Variants in RBM33 observed in about 807,000 individuals in gnomAD.
RBM33 encodes RNA binding motif protein 33, also known as RNA-binding protein 33.
In RBM33, 28 loss-of-function variants were observed where a neutral mutation model predicts 132.6. The ratio of observed to expected loss-of-function variants is 0.21; its 90% confidence interval spans 0.16 to 0.29. RBM33 has a LOEUF of 0.29. Ranked by LOEUF, RBM33 falls within the 10% of genes least tolerant of loss-of-function variation. The pLI, the probability that RBM33 is intolerant of heterozygous loss-of-function variation, is 1.00. For missense variants in RBM33, 1,291 were observed against 1,518.5 expected (o/e 0.85, Z 2.49); for synonymous variants, 634 against 593.0 (o/e 1.07, Z -1.01).
At chr7:155,717,885 T>C (rs1800512227) in intron 8 of RBM33, among the ~76,000 whole-genome samples, 1 of 152,232 alleles carries the variant, frequency 6.6e-6, no homozygotes, top group Admixed American at 6.5e-5. Flanking sequence ...GGAAAATTTT[T>C]AACAGTTTGT....
Position 155,673,766 on chromosome 7 carries a change from G to GCACA in RBM33, c.171+852_171+853insACAC, listed in dbSNP as rs776340484. Among the ~76,000 whole-genome samples, 274 of 120,286 alleles carry GCACA rather than the reference G, an allele frequency of 2.3e-3. 10 individuals carry two copies. Among genetic ancestry groups the GCACA allele is most frequent in the African/African-American group, 7.4e-3 (192 of 25,772 alleles). 78.9% of individuals were successfully genotyped at this position (120,286 alleles called of 152,430 possible). ...CACACGTGTATATACGCGCGCATGC[G>GCACA]CGCACACACACACACACACACACAC... On this transcript the variant is annotated intron_variant, in intron 3 of 17. Coordinates refer to ENST00000401878, the MANE Select transcript of RBM33 (RefSeq NM_053043.3).
rs760194996 is a variant in RBM33, at chr7:155,745,381, C to T, written c.2758C>T (p.Pro920Ser). ...LKHLRQTRTV[P>S]QSQTQPLHKV... ...ACATTTGAGACAGACCAGAACAGTT[C>T]CTCAAAGTCAGACTCAGCCGCTGCA... is the stretch of plus-strand genomic sequence containing the variant. The change falls in exon 14 of 18, where the codon CCT (proline) becomes TCT (serine). Residue 920 changes from proline to serine, a missense_variant. By Grantham distance (74) the Pro-to-Ser change is moderately conservative. This residue lies in a region of RBM33 where 841 missense variants were observed against 912.0 expected (regional missense o/e 0.92). Transcript: ENST00000401878. This position sits in a 1 kb window ranked among gnomAD's most constrained non-coding sequence, Gnocchi z 4.1. 31 of 1,613,238 alleles carry T rather than the reference C, an allele frequency of 1.9e-5. No individual in the cohort carries two copies. Among genetic ancestry groups the T allele is most frequent in the Admixed American group, 6.7e-5 (4 of 59,932 alleles).
In RBM33 at chr7:155,680,439, G is replaced by C. The variant is rs1799306367; in HGVS notation, c.249-151G>C. ...GCACTGGCTCTGTATAGCATTTTGAGTACTGTTGGAGTTAATGTGCATTTG... is the reference window on the plus strand; with the variant it reads ...GCACTGGCTCTGTATAGCATTTTGACTACTGTTGGAGTTAATGTGCATTTG... On this transcript the variant is annotated intron_variant, in intron 4 of 17. Coordinates refer to ENST00000401878, the MANE Select transcript of RBM33 (RefSeq NM_053043.3). The C allele has an allele frequency of 6.2e-6, 4 of 640,166 alleles. No individual in the cohort carries two copies. The Admixed American group carries it at 1.2e-4, about 19-fold the overall frequency. 39.7% of individuals were successfully genotyped at this position (640,166 alleles called of 1,614,324 possible). A position where few individuals can be genotyped will look rare whatever the true frequency, so the allele number is the denominator to read the frequency against.
Position 155,774,940 on chromosome 7 carries a change from G to A in RBM33, c.3465-53G>A, listed in dbSNP as rs2117089188. 6.4e-7 allele frequency: 1 copy of A among 1,561,450 alleles called. No homozygotes were observed. ...TTTTAGTTTCCTCCCACCTTGGTAG[G>A]TTGATTGCCGATGTGCAGGGTTAGT... On this transcript the variant is annotated intron_variant, in intron 17 of 17. Coordinates refer to ENST00000401878, the MANE Select transcript of RBM33 (RefSeq NM_053043.3). The surrounding 1 kb of genome is among the most constrained non-coding windows in gnomAD (Gnocchi z 4.2).
chr7:155,736,979 T>C (rs1258131889), intron 9 of RBM33, among the ~76,000 whole-genome samples: 2 of 152,232 alleles, frequency 1.3e-5, no homozygotes, highest in Non-Finnish European at 2.9e-5. Context: ...AGTTTTTATG[T>C]TAATATGTGT....
chr7:155,722,323 A>G (rs1456871316), intron 9 of RBM33, among the ~76,000 whole-genome samples: 1 of 152,220 alleles, frequency 6.6e-6, no homozygotes, highest in Non-Finnish European at 1.5e-5. Flanking sequence ...TAATGAACAC[A>G]TTTTTGTTCA....
In RBM33 at chr7:155,742,075, A is replaced by C; in HGVS notation, c.2306A>C (p.Gln769Pro). 1 of 1,613,718 alleles carries C rather than the reference A, an allele frequency of 6.2e-7. No homozygotes were observed. Among genetic ancestry groups the C allele is most frequent in the Non-Finnish European group, 8.5e-7 (1 of 1,179,678 alleles). Residue 769 changes from glutamine (Q) to proline (P), a missense_variant, in exon 13 of 18, where the codon CAA becomes CCA. By Grantham distance (76) the Gln-to-Pro change is moderately conservative. Around this residue, in one of 7 missense-constraint regions of RBM33, gnomAD observed 841 missense variants for 912.0 expected, o/e 0.92. Coordinates refer to ENST00000401878, the MANE Select transcript of RBM33 (RefSeq NM_053043.3). ...GTCAAGCCAGCTAGCCCTGTGGCTC[A>C]ACCTAAAGAAGAGGCAAAAACAGAA... ...VKVKPASPVAQPKEEAKTETE... is the reference protein window; with the variant it reads ...VKVKPASPVAPPKEEAKTETE...
chr7:155,656,081 A>C (rs1173373757), intron 1 of RBM33, among the ~76,000 whole-genome samples: 1 of 152,236 alleles, frequency 6.6e-6, no homozygotes, highest in African/African-American at 2.4e-5. Context: ...AACAGTGGAC[A>C]TTATTTGTTG....
At chr7:155,773,017 C>A (rs1246023945) in intron 16 of RBM33, among the ~76,000 whole-genome samples, 1 of 152,216 alleles carries the variant, frequency 6.6e-6, no homozygotes, top group Non-Finnish European at 1.5e-5. Context: ...TTCCAAGTCA[C>A]TGATGTTTTT....
chr7:155,672,985 A>C, intron 3 of RBM33, 70 bp downstream of exon 3: 1 of 1,037,706 alleles, frequency 9.6e-7, no homozygotes. Flanking sequence ...AGCAGTAATC[A>C]CTTATACATG....
At chr7:155,684,215 T>C (rs903790076) in intron 5 of RBM33, among the ~76,000 whole-genome samples, 1 of 152,212 alleles carries the variant, frequency 6.6e-6, no homozygotes, top group African/African-American at 2.4e-5. Context: ...TCTTTGAGGT[T>C]GTCTGCTTTG....
chr7:155,660,076 T>C (rs567552039), intron 1 of RBM33, among the ~76,000 whole-genome samples: 1 of 152,312 alleles, frequency 6.6e-6, no homozygotes, highest in Admixed American at 6.5e-5. Flanking sequence ...GTAAATAGCT[T>C]TTTCAGTTTT....
intron 1 of RBM33, among the ~76,000 whole-genome samples, chr7:155,659,829 C>T (rs1456670991): frequency 6.6e-6 from 1 of 152,182 alleles, no homozygotes; most frequent in East Asian, 1.9e-4. Context: ...CCAGCAGGGC[C>T]ACACTCCCTG....
intron 2 of RBM33, among the ~76,000 whole-genome samples, chr7:155,666,704 CTG>C (rs1454351609): frequency 2.6e-5 from 4 of 152,064 alleles, no homozygotes; most frequent in Non-Finnish European, 5.9e-5. Flanking sequence ...CTGTTCATAT[CTG>C]TTTTTTCTTT....
At chr7:155,731,331 C>A (rs920748229) in intron 9 of RBM33, among the ~76,000 whole-genome samples, 2 of 152,132 alleles carry the variant, frequency 1.3e-5, no homozygotes, top group African/African-American at 4.8e-5. Context: ...CCAGTAGAGA[C>A]CATGGTTTTT....
At chr7:155,717,334 C>T (rs955171545) in intron 8 of RBM33, among the ~76,000 whole-genome samples, 1 of 152,064 alleles carries the variant, frequency 6.6e-6, no homozygotes, top group Non-Finnish European at 1.5e-5. Flanking sequence ...CCACCTTCTC[C>T]TTGTGTCCTC....
chr7:155,752,001 T>C (rs1364601776), intron 14 of RBM33, among the ~76,000 whole-genome samples: 1 of 152,230 alleles, frequency 6.6e-6, no homozygotes, highest in Non-Finnish European at 1.5e-5. Context: ...GTGTATGAAT[T>C]GTTACTTTAT....
chr7:155,684,897 A>T, intron 5 of RBM33: 1 of 1,543,424 alleles, frequency 6.5e-7, no homozygotes, highest in Non-Finnish European at 8.7e-7. Flanking sequence ...CCAAAGCTGT[A>T]TGAGAAAAAC....
At chr7:155,653,737 T>A (rs1165614885) in intron 1 of RBM33, among the ~76,000 whole-genome samples, 3 of 152,200 alleles carry the variant, frequency 2.0e-5, no homozygotes, top group Non-Finnish European at 4.4e-5. Flanking sequence ...TGGCTCTTCA[T>A]TTGTATCCTT....
Sources: gnomAD v4.1 joint callset for allele counts (sites outside exome capture counted in the v4.1 genomes callset) on GRCh38, gnomAD v4.1.1 for gene constraint, gnomAD v4.1.1 regional missense constraint, Gnocchi (gnomAD v3.1) non-coding constraint, MANE v1.5 for transcripts, NCBI Gene and HGNC (gene_info 2026-07-23, HGNC 2026-07-21) for gene names.